The following ANGPT4 variants were observed in gnomAD, a reference collection of about 807,000 sequenced individuals.
ANGPT4 encodes the protein angiopoietin 4.
Under a neutral mutation model 53.0 loss-of-function variants are expected in ANGPT4, and 50 were observed. That is an observed-to-expected ratio of 0.94 (90% CI 0.75 to 1.20). The LOEUF is 1.20. ANGPT4 is among the 50% of genes most tolerant of loss of function. The probability of loss-of-function intolerance (pLI) is 0.00; values close to 1 mark genes in which losing one functional copy is unlikely to be tolerated. For synonymous variants in ANGPT4, 251 were observed against 259.7 expected (o/e 0.97, Z 0.32); for missense variants, 648 against 637.1 (o/e 1.02, Z -0.18).
At position 914,071 on chromosome 20, in the gene ANGPT4, A is replaced by G. The variant is rs1004120471; in HGVS notation, c.309+1835T>C. Among the ~76,000 whole-genome samples the G allele has an allele frequency of 2.0e-5, 3 of 152,052 alleles. No individual in the cohort carries two copies. In the East Asian group the frequency reaches 5.8e-4, roughly 29 times the overall value. On this transcript the variant is annotated intron_variant, in intron 1 of 8. Transcript: ENST00000381922. This position sits in a 1 kb window ranked among gnomAD's most constrained non-coding sequence, Gnocchi z 5.0. ...AGGATGGAGACCTGGGACCTGAGAG[A>G]TTGGAAGGACATTTATGCATTCATG... is the stretch of plus-strand genomic sequence containing the variant.
chr20:886,876 A>C (rs1981637093), intron 3 of ANGPT4, among the ~76,000 whole-genome samples: 1 of 152,246 alleles, frequency 6.6e-6, no homozygotes, highest in Admixed American at 6.5e-5. Flanking sequence ...ATGTGTTTGC[A>C]TATTCATAAG....
chr20:899,031 T>A (rs1245837021), intron 1 of ANGPT4, among the ~76,000 whole-genome samples: 1 of 152,220 alleles, frequency 6.6e-6, no homozygotes, highest in African/African-American at 2.4e-5. Context: ...TGACACTGCC[T>A]GATTGCCTCA....
chr20:876,343 C>T (rs956870759), intron 7 of ANGPT4, among the ~76,000 whole-genome samples: 11 of 151,944 alleles, frequency 7.2e-5, no homozygotes, highest in African/African-American at 1.7e-4. Flanking sequence ...TTGTGTCTGT[C>T]GCCAGGGAAA....
intron 3 of ANGPT4, among the ~76,000 whole-genome samples, chr20:885,944 C>T (rs1981604432): frequency 6.6e-6 from 1 of 152,080 alleles, no homozygotes; most frequent in Non-Finnish European, 1.5e-5. Flanking sequence ...CGCAGTGGTG[C>T]CTGTGTTTGG....
chr20:907,121 A>T (rs183235310), intron 1 of ANGPT4, among the ~76,000 whole-genome samples: 129 of 152,342 alleles, frequency 8.5e-4, no homozygotes, highest in African/African-American at 3.0e-3. Flanking sequence ...GAATAGGGAA[A>T]TGGCCACTGG....
chr20:872,978 T>G lies in ANGPT4; in HGVS notation c.1494A>C (p.Ile498=). 1 of 1,614,040 alleles carries G rather than the reference T, an allele frequency of 6.2e-7. No individual in the cohort carries two copies. The highest frequency in any genetic ancestry group is 1.7e-5 in the Admixed American group (1 of 60,018). The stretch of plus-strand genomic sequence containing the variant: ...CTGCTCGTTAGATGTCCAAAGGCCG[T>G]ATCATCATGCGAGAGGCACGCAGTG... ...SYSLRASRMM[I]RPLDI The change falls in exon 9 of 9, where the codon ATA becomes ATC. Residue 498 remains isoleucine (I), a synonymous_variant. Coordinates refer to ENST00000381922, the MANE Select transcript of ANGPT4 (RefSeq NM_015985.4).
intron 1 of ANGPT4, among the ~76,000 whole-genome samples, chr20:903,811 G>A (rs989179792): frequency 7.9e-5 from 12 of 152,154 alleles, no homozygotes; most frequent in Admixed American, 2.6e-4. Flanking sequence ...AAAAGGAAAC[G>A]GGCTTTAGCA....
In ANGPT4 at chr20:885,319, G is replaced by T; in HGVS notation, c.594C>A (p.Leu198=). The T allele has an allele frequency of 6.3e-7, 1 of 1,580,600 alleles. No homozygotes were observed. Among genetic ancestry groups the T allele is most frequent in the South Asian group, 1.1e-5 (1 of 87,688 alleles). Residue 198 remains leucine (L), a synonymous_variant, in exon 4 of 9, where the codon CTC becomes CTA. Coordinates refer to ENST00000381922, the MANE Select transcript of ANGPT4 (RefSeq NM_015985.4). Reference sequence around the variant, plus strand: ...TCTCCAGGGCCTGCAACCGCTTCTCGAGCGCGCTGCGGGGTAGGGGGCGCA... The same window carrying T: ...TCTCCAGGGCCTGCAACCGCTTCTCTAGCGCGCTGCGGGGTAGGGGGCGCA... ...LQQLQGQNSA[L]EKRLQALETK...
At chr20:904,741 C>G (rs920461188) in intron 1 of ANGPT4, among the ~76,000 whole-genome samples, 9 of 152,200 alleles carry the variant, frequency 5.9e-5, no homozygotes, top group African/African-American at 2.2e-4. Flanking sequence ...ATCTTCCCAC[C>G]TCAGCCTCCC....
At position 870,115 on chromosome 20, in the gene ANGPT4, C is replaced by G. The variant is rs1197411765; in HGVS notation, c.*2845G>C. On this transcript the variant is annotated 3_prime_UTR_variant, in exon 9 of 9. Coordinates refer to ENST00000381922, the MANE Select transcript of ANGPT4 (RefSeq NM_015985.4). ...TGGATCTAACCTCACTTGCCTTTACCCTTAGACTTTCCAGTTATGTGAGTC... is the reference window on the plus strand; with the variant it reads ...TGGATCTAACCTCACTTGCCTTTACGCTTAGACTTTCCAGTTATGTGAGTC... 6.6e-6 allele frequency: 1 copy of G among 152,224 alleles called. No individual in the cohort carries two copies. The highest frequency in any genetic ancestry group is 1.5e-5 in the Non-Finnish European group (1 of 68,062). 9.4% of individuals were successfully genotyped at this position (152,224 alleles called of 1,614,324 possible).
chr20:895,048 G>C (rs1393789296), intron 1 of ANGPT4, among the ~76,000 whole-genome samples: 1 of 152,186 alleles, frequency 6.6e-6, no homozygotes, highest in East Asian at 1.9e-4. Flanking sequence ...GATGGGCTCA[G>C]TTAGGCTGGG....
At position 874,329 on chromosome 20, in the gene ANGPT4, CT is replaced by C. The variant is rs2122752110; in HGVS notation, c.1305del (p.Asp436ThrfsTer12). On this transcript the variant is annotated frameshift_variant, in exon 8 of 9. Coordinates refer to ENST00000381922, the MANE Select transcript of ANGPT4 (RefSeq NM_015985.4). LOFTEE classifies it low-confidence loss of function (END_TRUNC). ...LQNTSFSTLD[S>X]DNDHCLCKCA... ...CACTTGCAGAGACAGTGGTCGTTGTCTGAGTCAAGGGTGCTAAAGCTGGTGT... is the reference window on the plus strand; with the variant it reads ...CACTTGCAGAGACAGTGGTCGTTGTCGAGTCAAGGGTGCTAAAGCTGGTGT... 6.2e-7 allele frequency: 1 copy of C among 1,614,232 alleles called. No homozygotes were observed. Among genetic ancestry groups the C allele is most frequent in the Non-Finnish European group, 8.5e-7 (1 of 1,180,036 alleles).
chr20:872,571 A>C lies in ANGPT4; in HGVS notation c.*389T>G. On this transcript the variant is annotated 3_prime_UTR_variant, in exon 9 of 9. Coordinates refer to ENST00000381922, the MANE Select transcript of ANGPT4 (RefSeq NM_015985.4). ...GCCTTCTTGCCAATCCAAGGGAGAG[A>C]ACCTGGGCCATCTGGGCAGCTTCCG... The C allele has an allele frequency of 1.7e-5, 3 of 172,906 alleles. No homozygotes were observed. Among genetic ancestry groups the C allele is most frequent in the Non-Finnish European group, 3.7e-5 (3 of 80,806 alleles). 10.7% of individuals were successfully genotyped at this position (172,906 alleles called of 1,614,324 possible).
chr20:887,529 C>A (rs887957609), intron 3 of ANGPT4, among the ~76,000 whole-genome samples: 4 of 151,298 alleles, frequency 2.6e-5, no homozygotes, highest in Admixed American at 2.6e-4. Context: ...ATTTTGCCTT[C>A]TCCAGAACCC....
intron 6 of ANGPT4, 86 bp from the exon 7 acceptor site, chr20:878,413 G>C: frequency 7.3e-7 from 1 of 1,361,764 alleles, no homozygotes; most frequent in East Asian, 2.4e-5. Context: ...CCAGGCTCCA[G>C]GGCTACTTAT....
intron 1 of ANGPT4, among the ~76,000 whole-genome samples, chr20:897,170 T>C (rs1242686410): frequency 1.3e-5 from 2 of 152,044 alleles, no homozygotes; most frequent in African/African-American, 4.8e-5. Flanking sequence ...TGCACCCAGG[T>C]GATTAAAAAG....
Position 888,311 on chromosome 20 carries a change from C to T in ANGPT4, c.587+7G>A. 2 of 1,611,958 alleles carry T rather than the reference C, an allele frequency of 1.2e-6. No individual in the cohort carries two copies. Among genetic ancestry groups the T allele is most frequent in the Admixed American group, 1.7e-5 (1 of 59,898 alleles). ...TGTCCTAGTCTGGTGCCAGGTGCCA[C>T]ACCCACCTGTTTTGGCCCTGAAGCT... On this transcript the variant is annotated splice_region_variant and intron_variant, in intron 3 of 8. Transcript: ENST00000381922.
chr20:874,959 G>A (rs56052238), intron 7 of ANGPT4, among the ~76,000 whole-genome samples: 17,704 of 152,054 alleles, frequency 0.12, 1,303 homozygotes, highest in African/African-American at 0.21. Context: ...AGCTCAAGCA[G>A]TCTGCCTGCC....
intron 7 of ANGPT4, among the ~76,000 whole-genome samples, chr20:876,332 A>T (rs144985251): frequency 6.6e-6 from 1 of 152,012 alleles, no homozygotes; most frequent in East Asian, 1.9e-4. Flanking sequence ...CCAGTCATAG[A>T]TTGTGTCTGT....
Sources: gnomAD v4.1 joint callset for allele counts (sites outside exome capture counted in the v4.1 genomes callset) on GRCh38, gnomAD v4.1.1 for gene constraint, Gnocchi (gnomAD v3.1) non-coding constraint, MANE v1.5 for transcripts, NCBI Gene and HGNC (gene_info 2026-07-23, HGNC 2026-07-21) for gene names.